The following GATAD2B variants were observed in gnomAD, a reference collection of about 807,000 sequenced individuals.
The protein encoded by GATAD2B is transcriptional repressor p66-beta.
In GATAD2B, 8 loss-of-function variants were observed where a neutral mutation model predicts 64.3. The ratio of observed to expected loss-of-function variants is 0.12; its 90% CI spans 0.07 to 0.22. GATAD2B has a LOEUF of 0.22. GATAD2B is among the 10% of genes least tolerant of loss of function. GATAD2B has a pLI of 1.00. For missense variants in GATAD2B, 453 were observed against 752.0 expected, an observed-to-expected ratio of 0.60 and a Z score of 4.65; for synonymous variants, 281 against 271.3, an observed-to-expected ratio of 1.04 and a Z score of -0.35.
intron 1 of GATAD2B, among the ~76,000 whole-genome samples, chr1:153,836,782 C>T (rs533985487): frequency 6.6e-6 from 1 of 152,248 alleles, no homozygotes; most frequent in South Asian, 2.1e-4. Flanking sequence ...GACAAAACAA[C>T]AAAATTCAAT....
At chr1:153,878,162 C>CTTT (rs71899872) in intron 1 of GATAD2B, among the ~76,000 whole-genome samples, 1 of 145,694 alleles carries the variant, frequency 6.9e-6, no homozygotes, top group Non-Finnish European at 1.5e-5. Context: ...ATCCTGCAAT[C>CTTT]TTTTTTTTTT....
At chr1:153,894,809 TG>T (rs1677532683) in intron 1 of GATAD2B, among the ~76,000 whole-genome samples, 1 of 150,632 alleles carries the variant, frequency 6.6e-6, no homozygotes, top group Admixed American at 6.6e-5. Flanking sequence ...TCGCAGTAAG[TG>T]GAGATTGCTC....
Position 153,806,915 on chromosome 1 carries a change from A to C in GATAD2B, c.*3262T>G, listed in dbSNP as rs1159601808. ...TAATTCCTTTTAAAGGGGAAAGGAA[A>C]GGTAACCAAAGCAGGAAAACATTTA... On this transcript the variant is annotated 3_prime_UTR_variant, in exon 11 of 11. Coordinates refer to ENST00000368655, the MANE Select transcript of GATAD2B (RefSeq NM_020699.4). The C allele has an allele frequency of 6.6e-6, 1 of 152,282 alleles. No individual in the cohort carries two copies. Among genetic ancestry groups the C allele is most frequent in the Non-Finnish European group, 1.5e-5 (1 of 68,028 alleles). 9.4% of individuals were successfully genotyped at this position (152,282 alleles called of 1,614,324 possible).
chr1:153,872,565 A>C (rs909111794), intron 1 of GATAD2B, among the ~76,000 whole-genome samples: 16 of 151,240 alleles, frequency 1.1e-4, no homozygotes, highest in Admixed American at 6.6e-4. Context: ...AAAAAAAAAA[A>C]CCCCACAAAA....
At chr1:153,837,770 T>TA (rs1173537271) in intron 1 of GATAD2B, among the ~76,000 whole-genome samples, 1 of 152,184 alleles carries the variant, frequency 6.6e-6, no homozygotes, top group Non-Finnish European at 1.5e-5. Flanking sequence ...TATAAAACTG[T>TA]AAAAATAATA....
chr1:153,848,607 TCTC>T (rs1675770997), intron 1 of GATAD2B, among the ~76,000 whole-genome samples: 1 of 152,312 alleles, frequency 6.6e-6, no homozygotes, highest in East Asian at 1.9e-4. Context: ...TAGCTGTCAT[TCTC>T]CTCCGAAACT....
chr1:153,909,395 G>C (rs955286731), intron 1 of GATAD2B, among the ~76,000 whole-genome samples: 1 of 151,700 alleles, frequency 6.6e-6, no homozygotes. Flanking sequence ...TGTATTTTTA[G>C]TAGAGATGGG....
intron 1 of GATAD2B, among the ~76,000 whole-genome samples, chr1:153,910,046 C>T (rs1047094268): frequency 5.6e-4 from 85 of 151,970 alleles, no homozygotes; most frequent in African/African-American, 1.9e-3. Flanking sequence ...ACCTAAGAGG[C>T]AGAGGTTGCA....
chr1:153,897,579 C>A (rs1677634155), intron 1 of GATAD2B, among the ~76,000 whole-genome samples: 1 of 152,116 alleles, frequency 6.6e-6, no homozygotes, highest in Non-Finnish European at 1.5e-5. Context: ...TGATAAGAGA[C>A]TAAGTACATA....
At chr1:153,871,660 C>T (rs762851739) in intron 1 of GATAD2B, among the ~76,000 whole-genome samples, 1 of 151,242 alleles carries the variant, frequency 6.6e-6, no homozygotes, top group Non-Finnish European at 1.5e-5. Context: ...TTAGTAGAGA[C>T]GGGTTTTACC....
intron 1 of GATAD2B, among the ~76,000 whole-genome samples, chr1:153,832,604 C>G (rs2101895197): frequency 6.6e-6 from 1 of 152,306 alleles, no homozygotes; most frequent in East Asian, 1.9e-4. Context: ...TGAGATAACC[C>G]ACAAAAGTGA....
chr1:153,914,479 C>A (rs1303141004), intron 1 of GATAD2B, among the ~76,000 whole-genome samples: 2 of 152,136 alleles, frequency 1.3e-5, no homozygotes, highest in African/African-American at 4.8e-5. Context: ...ATGGCAGAAC[C>A]AAGGCTCCAA....
At chr1:153,812,205 T>G in intron 8 of GATAD2B, 73 bp from the exon 9 acceptor site, 1 of 852,948 alleles carries the variant, frequency 1.2e-6, no homozygotes, top group East Asian at 2.5e-5. Flanking sequence ...TTTTTTTTTT[T>G]TTTAAACAGA....
intron 1 of GATAD2B, among the ~76,000 whole-genome samples, chr1:153,880,648 A>G (rs1676982355): frequency 6.6e-6 from 1 of 152,018 alleles, no homozygotes; most frequent in East Asian, 1.9e-4. Flanking sequence ...GAGACCCACC[A>G]GCCTGGACAA....
chr1:153,905,167 G>C (rs990695136), intron 1 of GATAD2B, among the ~76,000 whole-genome samples: 1 of 151,826 alleles, frequency 6.6e-6, no homozygotes, highest in Non-Finnish European at 1.5e-5. Flanking sequence ...AATACATAAA[G>C]AAAAATACCC....
intron 1 of GATAD2B, among the ~76,000 whole-genome samples, chr1:153,829,876 G>T (rs1675014911): frequency 6.6e-6 from 1 of 152,024 alleles, no homozygotes; most frequent in African/African-American, 2.4e-5. Context: ...GAGGTGGGTA[G>T]ATCACTTGAG....
intron 1 of GATAD2B, among the ~76,000 whole-genome samples, chr1:153,919,250 C>A (rs909041869): frequency 6.6e-6 from 1 of 152,110 alleles, no homozygotes; most frequent in Admixed American, 6.6e-5. Flanking sequence ...CTGATGGCAA[C>A]CTAGGTAAAT....
rs1435824590 is a variant in GATAD2B at position 153,804,898 on chromosome 1, C to A, written c.*5279G>T. The stretch of plus-strand genomic sequence containing the variant: ...GGAGTGTATTTGCCTTTTTGAAAAC[C>A]AGTTTCTATTGGTCTTAGTTTTTTC... On this transcript the variant is annotated 3_prime_UTR_variant, in exon 11 of 11. Transcript: ENST00000368655. 1 of 152,452 alleles carries A rather than the reference C, an allele frequency of 6.6e-6. No individual in the cohort carries two copies. Among genetic ancestry groups the A allele is most frequent in the East Asian group, 1.9e-4 (1 of 5,206 alleles). 9.4% of individuals were successfully genotyped at this position (152,452 alleles called of 1,614,324 possible). A position where few individuals can be genotyped will look rare whatever the true frequency, so the allele number is the denominator to read the frequency against.
intron 1 of GATAD2B, among the ~76,000 whole-genome samples, chr1:153,908,424 A>G (rs909620360): frequency 9.9e-5 from 15 of 152,180 alleles, no homozygotes; most frequent in Non-Finnish European, 2.1e-4. Context: ...AGATCTTACA[A>G]CTAACTAAAC....
Sources: gnomAD v4.1 joint callset for allele counts (sites outside exome capture counted in the v4.1 genomes callset) on GRCh38, gnomAD v4.1.1 for gene constraint, MANE v1.5 for transcripts, NCBI Gene and HGNC (gene_info 2026-07-23, HGNC 2026-07-21) for gene names.